XG: variants seen among roughly 807,000 people sequenced by gnomAD.
XG encodes the protein Xg glycoprotein (Xg blood group).
In XG, 24 loss-of-function variants were observed where a neutral mutation model predicts 25.7. The ratio of observed to expected loss-of-function variants is 0.93; its 90% CI spans 0.68 to 1.31. The LOEUF (loss-of-function observed/expected upper bound fraction) is 1.31, where lower values mean the gene tolerates loss of function less well. Among genes scored for constraint, XG ranks in the 40% most tolerant of loss-of-function variants. The pLI, the probability that XG is intolerant of heterozygous loss-of-function variation, is 0.00. For missense variants in XG, 181 were observed against 187.6 expected (o/e 0.96, Z 0.21); for synonymous variants, 77 against 69.2 (o/e 1.11, Z -0.56).
At chrX:2,772,683 C>G (rs1021638629) in intron 2 of XG, among the ~76,000 whole-genome samples, 11 of 152,206 alleles carry the variant, frequency 7.2e-5, no homozygotes, top group Admixed American at 3.9e-4. Context: ...GAATTGCACA[C>G]TTTAAAATGT....
intron 9 of XG, among the ~76,000 whole-genome samples, chrX:2,810,643 C>T (rs1053321747): frequency 2.7e-5 from 3 of 111,053 alleles, no homozygotes; most frequent in African/African-American, 9.8e-5. Context: ...AGGCCAGGCG[C>T]GGTGGCTCCC....
chrX:2,767,083 C>G (rs1247138940), intron 1 of XG, among the ~76,000 whole-genome samples: 2 of 151,938 alleles, frequency 1.3e-5, no homozygotes, highest in African/African-American at 4.8e-5. Flanking sequence ...GCTGCTGAGG[C>G]CTGCACTTGG....
chrX:2,803,679 G>C lies in XG; in HGVS notation c.374-3022G>C, dbSNP rs910865793. ...CTGGTTGAGCCAGATTACCGGGCTG[G>C]CTGGTGTCAGCTGATCCATCCAGTG... On this transcript the variant is annotated intron_variant, in intron 7 of 10. Transcript: ENST00000644266. 1.5e-4 allele frequency among the ~76,000 whole-genome samples: 16 copies of C among 110,333 alleles called. 1 individual carries two copies. The highest frequency in any genetic ancestry group is 2.9e-4 in the Admixed American group (3 of 10,270).
At chrX:2,789,190 C>A (rs1210736189) in intron 4 of XG, among the ~76,000 whole-genome samples, 2 of 111,119 alleles carry the variant, frequency 1.8e-5, no homozygotes, top group African/African-American at 6.5e-5. Context: ...ATGATTGCAC[C>A]ACTGCACTGC....
At chrX:2,788,351 A>G (rs1276497040) in intron 4 of XG, among the ~76,000 whole-genome samples, 1 of 112,587 alleles carries the variant, frequency 8.9e-6, no homozygotes, top group Non-Finnish European at 1.9e-5. Flanking sequence ...GGTGCTGAAG[A>G]TACAGACTCA....
chrX:2,779,328 T>C (rs1199298338), intron 3 of XG, among the ~76,000 whole-genome samples: 1 of 90,362 alleles, frequency 1.1e-5, no homozygotes, highest in East Asian at 2.7e-4. Context: ...AGAGTGAGAG[T>C]ATAAAAAAAA....
intron 10 of XG, among the ~76,000 whole-genome samples, chrX:2,812,808 C>T (rs1196439335): frequency 8.9e-6 from 1 of 111,933 alleles, no homozygotes. Context: ...ACGAACACCA[C>T]GTGTTAACTT....
intron 1 of XG, among the ~76,000 whole-genome samples, chrX:2,762,668 C>A (rs1444895523): frequency 1.3e-5 from 2 of 152,182 alleles, no homozygotes; most frequent in African/African-American, 4.8e-5. Flanking sequence ...GCAAACAAGC[C>A]CCCCGGGAAT....
chrX:2,811,385 G>A lies in XG; in HGVS notation c.504G>A (p.Val168=). 8.3e-7 allele frequency: 1 copy of A among 1,208,340 alleles called. No individual in the cohort carries two copies. Among genetic ancestry groups the A allele is most frequent in the Non-Finnish European group, 1.1e-6 (1 of 893,955 alleles). ...CTCCCATCGTATCCGTGGTGGTGGT[G>A]ACACTGCTGGGAGCAGCAGCCAGTT... is the stretch of plus-strand genomic sequence containing the variant. The part of the protein sequence containing the change: ...IVSPIVSVVV[V]TLLGAAASYF... The change falls in exon 10 of 11, where the codon GTG becomes GTA. Residue 168 remains valine, a synonymous_variant. Transcript: ENST00000644266.
rs185990060 is a variant in XG at position 2,773,179 on chromosome X, G to T, written c.104-1537G>T. On this transcript the variant is annotated intron_variant, in intron 2 of 10. Coordinates refer to ENST00000644266, the MANE Select transcript of XG (RefSeq NM_001141919.2). ...AAACAGGGAGGGAGGGAGGAAAAAGGATGGAAACAAGGAGGGAAGAAAAGG... is the reference window on the plus strand; with the variant it reads ...AAACAGGGAGGGAGGGAGGAAAAAGTATGGAAACAAGGAGGGAAGAAAAGG... Among the ~76,000 whole-genome samples, 470 of 150,688 alleles carry T rather than the reference G, an allele frequency of 3.1e-3. 3 individuals are homozygous for T. The highest frequency in any genetic ancestry group is 0.011 in the African/African-American group (432 of 41,082).
At chrX:2,765,308 G>A (rs1439217623) in intron 1 of XG, among the ~76,000 whole-genome samples, 5 of 151,742 alleles carry the variant, frequency 3.3e-5, no homozygotes, top group South Asian at 2.1e-4. Context: ...CAGAGATTGC[G>A]CCATTGCACT....
chrX:2,808,679 C>A, intron 9 of XG: 1 of 433,020 alleles, frequency 2.3e-6, no homozygotes, highest in Non-Finnish European at 2.9e-6. Flanking sequence ...ACTTTGTGTC[C>A]TGTATTGTTG....
intron 7 of XG, among the ~76,000 whole-genome samples, chrX:2,801,897 C>T (rs1262542026): frequency 5.5e-5 from 6 of 109,622 alleles, no homozygotes; most frequent in Admixed American, 1.9e-4. Flanking sequence ...TTAGTAGAGA[C>T]GGGGTTTCAC....
At chrX:2,759,218 G>C (rs1158524050) in intron 1 of XG, among the ~76,000 whole-genome samples, 15 of 152,224 alleles carry the variant, frequency 9.9e-5, no homozygotes, top group Non-Finnish European at 5.9e-5. Context: ...GACAAGGCAT[G>C]TTGTTCAACA....
intron 7 of XG, among the ~76,000 whole-genome samples, chrX:2,801,299 AAGG>A (rs1300727562): frequency 2.7e-5 from 3 of 109,751 alleles, no homozygotes; most frequent in Non-Finnish European, 5.7e-5. Context: ...TAATAGAAGA[AAGG>A]AGAGAGGAGA....
intron 7 of XG, among the ~76,000 whole-genome samples, chrX:2,801,998 C>A (rs778363259): frequency 8.9e-6 from 1 of 111,732 alleles, no homozygotes; most frequent in Admixed American, 9.5e-5. Flanking sequence ...TGAGCCACCG[C>A]GCCCGGCCAC....
intron 4 of XG, among the ~76,000 whole-genome samples, chrX:2,783,049 C>A (rs2086747071): frequency 9.0e-6 from 1 of 111,137 alleles, no homozygotes; most frequent in Non-Finnish European, 1.9e-5. Context: ...GTCATCATTT[C>A]CTCAGTCATA....
At chrX:2,776,608 A>G (rs311162) in intron 3 of XG, among the ~76,000 whole-genome samples, 129,517 of 150,364 alleles carry the variant, frequency 0.86, 55,894 homozygotes, top group African/African-American at 0.94. Context: ...TAGGTGAGTA[A>G]AGGAAAAGGG....
chrX:2,760,963 C>A (rs1054312805), intron 1 of XG, among the ~76,000 whole-genome samples: 2 of 152,066 alleles, frequency 1.3e-5, no homozygotes, highest in Non-Finnish European at 2.9e-5. Flanking sequence ...CTTCCAGCTT[C>A]CAGGCCTGTG....
Sources: gnomAD v4.1 joint callset for allele counts (sites outside exome capture counted in the v4.1 genomes callset) on GRCh38, gnomAD v4.1.1 for gene constraint, MANE v1.5 for transcripts, NCBI Gene and HGNC (gene_info 2026-07-23, HGNC 2026-07-21) for gene names.